The following SORCS1 variants were observed in gnomAD, a reference collection of about 807,000 sequenced individuals.
SORCS1 encodes sortilin related VPS10 domain containing receptor 1.
SORCS1 carries 60 observed loss-of-function variants against 146.1 expected under a neutral mutation model. That is an observed-to-expected ratio of 0.41 (90% CI 0.33 to 0.51). The LOEUF is 0.51. Among genes scored for constraint, SORCS1 ranks in the 20% least tolerant of loss-of-function variants. The pLI is 0.21. For missense variants in SORCS1, 1,352 were observed against 1,487.6 expected (o/e 0.91, Z 1.50); for synonymous variants, 637 against 584.0 (o/e 1.09, Z -1.31).
chr10:107,124,107 GA>G (rs1966564930), intron 1 of SORCS1, among the ~76,000 whole-genome samples: 3 of 151,030 alleles, frequency 2.0e-5, no homozygotes, highest in Admixed American at 1.3e-4. Context: ...AAAAAGAAAA[GA>G]AAATGGAGAC....
rs114882561 is a variant in SORCS1 at position 106,587,265 on chromosome 10, C to T, written c.3266-7791G>A. ...GATTACTATGTAGATAATACGGTGA[C>T]CGAAAACTAAAGAGACAGATAAACT... On this transcript the variant is annotated intron_variant, in intron 24 of 25. Coordinates refer to ENST00000263054, the MANE Select transcript of SORCS1 (RefSeq NM_052918.5). Among the ~76,000 whole-genome samples, 664 of 152,212 alleles carry T rather than the reference C, an allele frequency of 4.4e-3. 5 individuals are homozygous for T. Among genetic ancestry groups the T allele is most frequent in the Middle Eastern group, 0.017 (5 of 294 alleles).
chr10:106,664,311 G>A (rs570822907), intron 17 of SORCS1, among the ~76,000 whole-genome samples: 34 of 152,082 alleles, frequency 2.2e-4, no homozygotes, highest in African/African-American at 3.1e-4. Context: ...TTACTTAATC[G>A]TCACTGATGT....
At position 106,894,308 on chromosome 10, in the gene SORCS1, T is replaced by C. The variant is rs576351971; in HGVS notation, c.626+62205A>G. ...GTGTGTGTGTGTGTGTGTGTGTGTG[T>C]AGGGAGAATAGAAAGGCCTCTGTGG... On this transcript the variant is annotated intron_variant, in intron 2 of 25. Coordinates refer to ENST00000263054, the MANE Select transcript of SORCS1 (RefSeq NM_052918.5). Among the ~76,000 whole-genome samples the C allele has an allele frequency of 1.7e-4, 22 of 127,612 alleles. No individual in the cohort carries two copies. The South Asian group carries it at 4.9e-3, about 28-fold the overall frequency. 83.7% of individuals were successfully genotyped at this position (127,612 alleles called of 152,430 possible).
chr10:106,591,352 TG>T (rs1334468489), intron 24 of SORCS1, among the ~76,000 whole-genome samples: 1 of 151,986 alleles, frequency 6.6e-6, no homozygotes, highest in African/African-American at 2.4e-5. Context: ...AAAGAACACC[TG>T]CCATAAGAAA....
intron 8 of SORCS1, among the ~76,000 whole-genome samples, chr10:106,703,525 A>G (rs571782620): frequency 7.2e-5 from 11 of 152,350 alleles, no homozygotes; most frequent in South Asian, 4.1e-4. Flanking sequence ...CATGCTCTTA[A>G]TGGCAATGGC....
At chr10:106,600,021 C>T (rs1209051655) in intron 23 of SORCS1, among the ~76,000 whole-genome samples, 2 of 152,062 alleles carry the variant, frequency 1.3e-5, no homozygotes, top group Non-Finnish European at 2.9e-5. Context: ...AACTCCTGAC[C>T]ACAAGTGATC....
At chr10:106,643,693 G>T (rs1849221019) in intron 18 of SORCS1, among the ~76,000 whole-genome samples, 1 of 152,216 alleles carries the variant, frequency 6.6e-6, no homozygotes, top group South Asian at 2.1e-4. Flanking sequence ...CAGAAGGCAT[G>T]AATTCACATA....
At chr10:107,094,383 G>A (rs1446367732) in intron 1 of SORCS1, among the ~76,000 whole-genome samples, 1 of 152,106 alleles carries the variant, frequency 6.6e-6, no homozygotes, top group African/African-American at 2.4e-5. Context: ...TATTATTGCA[G>A]TTGGAAAACA....
At chr10:106,756,999 C>A (rs568461886) in intron 5 of SORCS1, among the ~76,000 whole-genome samples, 1 of 152,124 alleles carries the variant, frequency 6.6e-6, no homozygotes, top group Non-Finnish European at 1.5e-5. Context: ...TTGGCTGCAG[C>A]ACCTGATTAA....
chr10:106,607,211 C>T lies in SORCS1; in HGVS notation c.3120G>A (p.Gln1040=), dbSNP rs41291860. ...TTAELFVLPY[Q]DPAGENKRST... ...ACCTTTTGTTTTCTCCAGCTGGATC[C>T]TGATAGGGTAGGACAAAGAGTTCAG... Residue 1040 remains glutamine, a synonymous_variant, in exon 23 of 26, where the codon CAG becomes CAA. Transcript: ENST00000263054. The T allele has an allele frequency of 7.4e-6, 12 of 1,613,966 alleles. No homozygotes were observed. In the Middle Eastern group the frequency reaches 9.9e-4, roughly 133 times the overall value.
chr10:106,891,271 C>T (rs1416729621), intron 2 of SORCS1, among the ~76,000 whole-genome samples: 2 of 151,996 alleles, frequency 1.3e-5, no homozygotes, highest in Non-Finnish European at 2.9e-5. Context: ...TTATAGTGCA[C>T]CTGTAAATTG....
At chr10:106,636,232 C>G (rs535434070) in intron 18 of SORCS1, among the ~76,000 whole-genome samples, 1 of 151,708 alleles carries the variant, frequency 6.6e-6, no homozygotes, top group East Asian at 1.9e-4. Context: ...TGCACTCCAG[C>G]CTGGATAACA....
intron 1 of SORCS1, among the ~76,000 whole-genome samples, chr10:107,147,771 G>A (rs1968454729): frequency 6.6e-6 from 1 of 151,984 alleles, no homozygotes; most frequent in South Asian, 2.1e-4. Context: ...CCAAATACTG[G>A]CATATAAAAA....
intron 1 of SORCS1, among the ~76,000 whole-genome samples, chr10:106,974,084 A>G (rs1415721225): frequency 6.6e-6 from 1 of 152,190 alleles, no homozygotes; most frequent in Non-Finnish European, 1.5e-5. Context: ...ACTACATTTG[A>G]TGTTATGACT....
At chr10:106,940,991 C>G (rs961200267) in intron 2 of SORCS1, among the ~76,000 whole-genome samples, 1 of 152,172 alleles carries the variant, frequency 6.6e-6, no homozygotes, top group African/African-American at 2.4e-5. Context: ...CTCTGGAGCT[C>G]GACTGGTTCA....
rs575144149 is a variant in SORCS1, at chr10:106,926,694, G to A, written c.626+29819C>T. On this transcript the variant is annotated intron_variant, in intron 2 of 25. Transcript: ENST00000263054. ...ATAGGAACAAACACAAATATAGCAG[G>A]TTTTTACTCTGAAGTAAAATAATTA... 5.9e-5 allele frequency among the ~76,000 whole-genome samples: 9 copies of A among 152,064 alleles called. No individual in the cohort carries two copies. In the South Asian group the frequency reaches 1.7e-3, roughly 28 times the overall value.
chr10:106,607,066 G>A, intron 23 of SORCS1, 100 bp downstream of exon 23: 3 of 1,486,786 alleles, frequency 2.0e-6, no homozygotes, highest in Non-Finnish European at 1.8e-6. Context: ...TGAAGCTGTA[G>A]TTAGGATCAC....
At position 106,956,129 on chromosome 10, in the gene SORCS1, C is replaced by CA. The variant is rs201562634; in HGVS notation, c.626+383dup. Reference sequence around the variant, plus strand: ...GGGCAACAAGACCAAAACTCCGTCTCAAAAAAAAAAAAAAAGTTTCCCTGG... The same window carrying CA: ...GGGCAACAAGACCAAAACTCCGTCTCAAAAAAAAAAAAAAAAGTTTCCCTGG... On this transcript the variant is annotated intron_variant, in intron 2 of 25. Transcript: ENST00000263054. Among the ~76,000 whole-genome samples, 831 of 125,314 alleles carry CA rather than the reference C, an allele frequency of 6.6e-3. 6 individuals are homozygous for CA. Among genetic ancestry groups the CA allele is most frequent in the East Asian group, 0.026 (116 of 4,428 alleles). The allele number at this position is 125,314 out of a possible 152,430, so 82.2% of individuals were successfully genotyped here.
At chr10:106,978,148 T>C (rs1564880495) in intron 1 of SORCS1, among the ~76,000 whole-genome samples, 1 of 152,286 alleles carries the variant, frequency 6.6e-6, no homozygotes, top group East Asian at 1.9e-4. Flanking sequence ...TTTCACCATG[T>C]TGGCCAGGCT....
Sources: gnomAD v4.1 joint callset for allele counts (sites outside exome capture counted in the v4.1 genomes callset) on GRCh38, gnomAD v4.1.1 for gene constraint, MANE v1.5 for transcripts, NCBI Gene and HGNC (gene_info 2026-07-23, HGNC 2026-07-21) for gene names.